SNTG1: variants seen among roughly 807,000 people sequenced by gnomAD.
SNTG1 encodes the protein syntrophin gamma 1, also known as gamma-1-syntrophin.
A neutral mutation model predicts 74.7 loss-of-function variants in SNTG1; 39 were observed. The ratio of observed to expected loss-of-function variants is 0.52; its 90% confidence interval spans 0.40 to 0.68. The LOEUF (loss-of-function observed/expected upper bound fraction) is 0.68. Among genes scored for constraint, SNTG1 ranks in the 30% least tolerant of loss-of-function variants. SNTG1 has a pLI of 0.00. For synonymous variants in SNTG1, 254 were observed against 217.1 expected (o/e 1.17, Z -1.49); for missense variants, 685 against 609.5 (o/e 1.12, Z -1.30).
chr8:50,757,392 C>T (rs190083850), intron 18 of SNTG1, among the ~76,000 whole-genome samples: 30 of 151,850 alleles, frequency 2.0e-4, no homozygotes, highest in Admixed American at 5.9e-4. Context: ...AGGATTGTTA[C>T]GTCTTTTTTG....
chr8:49,935,298 T>C (rs1035886356), intron 1 of SNTG1, among the ~76,000 whole-genome samples: 1 of 150,974 alleles, frequency 6.6e-6, no homozygotes, highest in Non-Finnish European at 1.5e-5. Context: ...AAGAAATGTT[T>C]GGAGAGCAAC....
intron 1 of SNTG1, among the ~76,000 whole-genome samples, chr8:50,100,990 A>G (rs2080100769): frequency 6.6e-6 from 1 of 152,004 alleles, no homozygotes; most frequent in Non-Finnish European, 1.5e-5. Flanking sequence ...GTCCACGTGT[A>G]TTCAATGTTT....
At chr8:50,490,223 C>A (rs116901950) in intron 8 of SNTG1, among the ~76,000 whole-genome samples, 1,553 of 152,228 alleles carry the variant, frequency 0.01, 14 homozygotes, top group Non-Finnish European at 0.016. Context: ...CAGCTTTGTT[C>A]TTTTTGCTCA....
chr8:50,221,918 C>T (rs1030369214), intron 2 of SNTG1, among the ~76,000 whole-genome samples: 3 of 152,122 alleles, frequency 2.0e-5, no homozygotes, highest in Admixed American at 6.5e-5. Flanking sequence ...TTACACAAAT[C>T]AGCCTTCCCA....
At chr8:50,353,974 T>C (rs1456665531) in intron 2 of SNTG1, among the ~76,000 whole-genome samples, 3 of 152,234 alleles carry the variant, frequency 2.0e-5, no homozygotes, top group Non-Finnish European at 2.9e-5. Context: ...TGTACCTGGC[T>C]CTCAGGTGAG....
intron 17 of SNTG1, among the ~76,000 whole-genome samples, chr8:50,738,614 A>G (rs2095534953): frequency 6.6e-6 from 1 of 152,042 alleles, no homozygotes; most frequent in Admixed American, 6.6e-5. Flanking sequence ...AATCCTAAAC[A>G]AAAAGAACAA....
At chr8:50,349,726 C>T (rs540873971) in intron 2 of SNTG1, among the ~76,000 whole-genome samples, 1 of 152,188 alleles carries the variant, frequency 6.6e-6, no homozygotes, top group Non-Finnish European at 1.5e-5. Flanking sequence ...TGCCATGTTC[C>T]CTTGTCCCCT....
intron 15 of SNTG1, among the ~76,000 whole-genome samples, chr8:50,662,537 G>A (rs913485171): frequency 6.6e-6 from 1 of 152,158 alleles, no homozygotes; most frequent in African/African-American, 2.4e-5. Context: ...ATAGCCTAAG[G>A]TCACACAGCT....
At chr8:50,585,694 T>C (rs1264084633) in intron 12 of SNTG1, among the ~76,000 whole-genome samples, 1 of 152,188 alleles carries the variant, frequency 6.6e-6, no homozygotes, top group East Asian at 1.9e-4. Flanking sequence ...ATTTATTTTT[T>C]AATATTTGAC....
chr8:50,598,565 C>A (rs949058804), intron 13 of SNTG1, among the ~76,000 whole-genome samples: 1 of 151,802 alleles, frequency 6.6e-6, no homozygotes, highest in Non-Finnish European at 1.5e-5. Flanking sequence ...TACTGGGAGT[C>A]TTTTACATTT....
intron 14 of SNTG1, 147 bp from the exon 15 acceptor site, chr8:50,658,445 G>A (rs2095197379): frequency 1.9e-6 from 1 of 515,924 alleles, no homozygotes; most frequent in African/African-American, 2.0e-5. Flanking sequence ...GCATTATGTA[G>A]GGTCCTTTAT....
At chr8:50,726,828 G>A (rs1312113815) in intron 17 of SNTG1, among the ~76,000 whole-genome samples, 2 of 152,136 alleles carry the variant, frequency 1.3e-5, no homozygotes, top group South Asian at 4.2e-4. Context: ...CAGCCCAGGC[G>A]ACAGAGTGAG....
intron 1 of SNTG1, among the ~76,000 whole-genome samples, chr8:49,932,939 T>C (rs1807729177): frequency 6.6e-6 from 1 of 152,228 alleles, no homozygotes; most frequent in Non-Finnish European, 1.5e-5. Context: ...TATTGCAGCA[T>C]ACCTGAGTGC....
intron 15 of SNTG1, among the ~76,000 whole-genome samples, chr8:50,668,560 T>C (rs1268673137): frequency 2.6e-5 from 4 of 151,316 alleles, no homozygotes; most frequent in Non-Finnish European, 4.4e-5. Flanking sequence ...CTGGGATACA[T>C]GTGCAAAATG....
chr8:50,626,875 G>A (rs1300691482), intron 13 of SNTG1, among the ~76,000 whole-genome samples: 2 of 152,066 alleles, frequency 1.3e-5, no homozygotes, highest in African/African-American at 4.8e-5. Flanking sequence ...AAACAGGACT[G>A]GAAAGGGCAA....
intron 1 of SNTG1, among the ~76,000 whole-genome samples, chr8:49,974,550 G>A (rs1005260378): frequency 2.0e-5 from 3 of 151,904 alleles, no homozygotes; most frequent in African/African-American, 7.3e-5. Flanking sequence ...TTTTCTTTTG[G>A]TGTCATAAGA....
At chr8:50,260,956 GA>G (rs2087163035) in intron 2 of SNTG1, among the ~76,000 whole-genome samples, 1 of 151,912 alleles carries the variant, frequency 6.6e-6, no homozygotes, top group Non-Finnish European at 1.5e-5. Flanking sequence ...GAAAGAGAGA[GA>G]AAAAAAGGAG....
chr8:50,115,045 T>C (rs912880768), intron 1 of SNTG1, among the ~76,000 whole-genome samples: 1 of 152,114 alleles, frequency 6.6e-6, no homozygotes, highest in African/African-American at 2.4e-5. Flanking sequence ...AATTCAAGAA[T>C]AGATTTGCCA....
chr8:50,320,106 T>A (rs966172743), intron 2 of SNTG1, among the ~76,000 whole-genome samples: 6 of 152,194 alleles, frequency 3.9e-5, no homozygotes, highest in Non-Finnish European at 7.4e-5. Context: ...TCTTTCAATG[T>A]TTGATAGGGT....
Sources: allele counts gnomAD v4.1 joint callset (sites outside exome capture counted in the v4.1 genomes callset), GRCh38; gene constraint gnomAD v4.1.1; transcripts MANE v1.5; gene names NCBI Gene and HGNC (gene_info 2026-07-23, HGNC 2026-07-21).